The following IRS2 variants were observed in gnomAD, a reference collection of about 807,000 sequenced individuals.
IRS2 encodes insulin receptor substrate 2.
IRS2 carries 28 observed loss-of-function variants against 70.9 expected under a neutral mutation model. The ratio of observed to expected loss-of-function variants is 0.39; its 90% confidence interval spans 0.29 to 0.54. The LOEUF is 0.54. IRS2 is among the 20% of genes least tolerant of loss of function. IRS2 has a pLI of 0.59. For synonymous variants in IRS2, 1,217 were observed against 981.9 expected (o/e 1.24, Z -4.48); for missense variants, 2,081 against 2,024.1 (o/e 1.03, Z -0.54).
intron 1 of IRS2, among the ~76,000 whole-genome samples, chr13:109,780,955 T>C (rs1022406193): frequency 4.6e-5 from 7 of 152,216 alleles, no homozygotes; most frequent in African/African-American, 1.7e-4. Context: ...TCCTCATGGA[T>C]ATTTGATCAG....
Position 109,783,791 on chromosome 13 carries a change from G to A in IRS2, c.2263C>T (p.His755Tyr). The change falls in exon 1 of 2, where the codon CAT (histidine) becomes TAT (tyrosine). Residue 755 changes from histidine (H) to tyrosine (Y), a missense_variant. By Grantham distance (83) the His-to-Tyr change is moderately conservative. Transcript: ENST00000375856. ...TTGGGCAGCAGCTTGCCATCTGCAT[G>A]CTCCATGGACAGCTTGGAACCGCAC... ...MWCGSKLSME[H>Y]ADGKLLPNGD... 1 of 1,597,736 alleles carries A rather than the reference G, an allele frequency of 6.3e-7. No homozygotes were observed. Among genetic ancestry groups the A allele is most frequent in the Non-Finnish European group, 8.5e-7 (1 of 1,172,636 alleles).
chr13:109,761,170 C>T (rs1315833721), intron 1 of IRS2, among the ~76,000 whole-genome samples: 1 of 152,166 alleles, frequency 6.6e-6, no homozygotes, highest in Non-Finnish European at 1.5e-5. Context: ...GGCTTACGGC[C>T]ACCACGTAGG....
chr13:109,785,890 G>T lies in IRS2; in HGVS notation c.164C>A (p.Ala55Glu), dbSNP rs758017473. The part of the protein sequence containing the change: ...KRFFVLRGPG[A>E]GGDEATAGGG... ...GCCCGCCGTCGCCTCGTCGCCGCCC[G>T]CGCCGGGTCCGCGCAGCACGAAGAA... Residue 55 changes from alanine to glutamate, a missense_variant, in exon 1 of 2, where the codon GCG (alanine) becomes GAG (glutamate). Around this residue, in one of 4 missense-constraint regions of IRS2, gnomAD observed 320 missense variants for 352.9 expected, o/e 0.91. Transcript: ENST00000375856. The surrounding 1 kb of genome is among the most constrained non-coding windows in gnomAD (Gnocchi z 9.3). 2.7e-6 allele frequency: 4 copies of T among 1,490,660 alleles called. No homozygotes were observed. In the African/African-American group the frequency reaches 5.8e-5, roughly 21 times the overall value. 92.3% of individuals were successfully genotyped at this position (1,490,660 alleles called of 1,614,324 possible).
rs773474849 is a variant in IRS2, at chr13:109,782,896, G to A, written c.3158C>T (p.Ala1053Val). 1.9e-6 allele frequency: 3 copies of A among 1,555,518 alleles called. No individual in the cohort carries two copies. Among genetic ancestry groups the A allele is most frequent in the Admixed American group, 1.9e-5 (1 of 51,360 alleles). ...CGATGAGGCGGCGCCCGGGCCCTGG[G>A]CGGTGGCAACGGCCGAGGCGGGGGG... ...RLPPASAVAT[A>V]QGPGAASSLS... The change falls in exon 1 of 2, where the codon GCC becomes GTC. Residue 1053 changes from alanine to valine, a missense_variant. Transcript: ENST00000375856.
chr13:109,775,131 T>A (rs1419786973), intron 1 of IRS2, among the ~76,000 whole-genome samples: 3 of 150,626 alleles, frequency 2.0e-5, no homozygotes, highest in Admixed American at 6.6e-5. Context: ...TTTTTTTTTT[T>A]TTTGAGACTG....
chr13:109,770,895 G>A (rs926194737), intron 1 of IRS2, among the ~76,000 whole-genome samples: 9 of 152,180 alleles, frequency 5.9e-5, no homozygotes, highest in African/African-American at 1.2e-4. Flanking sequence ...ACAGCCCAGC[G>A]AACCTGGACA....
chr13:109,755,224 T>TTC lies in IRS2; in HGVS notation c.*1079_*1080insGA, dbSNP rs1008704230. On this transcript the variant is annotated 3_prime_UTR_variant, in exon 2 of 2. Transcript: ENST00000375856. ...CAGTTTCTTTCTTTCCTTTTTTTTT[T>TTC]TTCTTTTTGTTTTTTTTGTTCAGGG... The TTC allele has an allele frequency of 1.5e-4, 20 of 135,892 alleles. No individual in the cohort carries two copies. The highest frequency in any genetic ancestry group is 1.8e-3 in the Middle Eastern group (1 of 558). The allele number at this position is 135,892 out of a possible 1,614,324, so 8.4% of individuals were successfully genotyped here. A position where few individuals can be genotyped will look rare whatever the true frequency, so the allele number is the denominator to read the frequency against.
In IRS2 at chr13:109,785,561, C is replaced by G. The variant is rs2138938598; in HGVS notation, c.493G>C (p.Ala165Pro). 3 of 1,319,428 alleles carry G rather than the reference C, an allele frequency of 2.3e-6. No individual in the cohort carries two copies. The highest frequency in any genetic ancestry group is 2.9e-6 in the Non-Finnish European group (3 of 1,035,492). 81.7% of individuals were successfully genotyped at this position (1,319,428 alleles called of 1,614,324 possible). ...PAAAPAASCS[A>P]SLPGALGGSA... is the part of the protein sequence containing the mutation. ...CCGCCCAGGGCGCCGGGCAGGGAGG[C>G]GCTGCAGGACGCGGCGGGCGCGGCG... is the stretch of plus-strand genomic sequence containing the variant. The change falls in exon 1 of 2, where the codon GCC becomes CCC. Residue 165 changes from alanine (A) to proline (P), a missense_variant. Physicochemically the swap from Ala to Pro is conservative, Grantham distance 27. Around this residue, in one of 4 missense-constraint regions of IRS2, gnomAD observed 320 missense variants for 352.9 expected, o/e 0.91. Transcript: ENST00000375856. The surrounding 1 kb of genome is among the most constrained non-coding windows in gnomAD (Gnocchi z 9.3).
At position 109,753,125 on chromosome 13, in the gene IRS2, C is replaced by T. The variant is rs1181944790; in HGVS notation, c.*3179G>A. The T allele has an allele frequency of 6.6e-6, 1 of 152,102 alleles. No individual in the cohort carries two copies. Among genetic ancestry groups the T allele is most frequent in the Non-Finnish European group, 1.5e-5 (1 of 68,076 alleles). The allele number at this position is 152,102 out of a possible 1,614,324, so 9.4% of individuals were successfully genotyped here. A position where few individuals can be genotyped will look rare whatever the true frequency, so the allele number is the denominator to read the frequency against. The stretch of plus-strand genomic sequence containing the variant: ...TACAGGCATGCGCCACCACGCCTGG[C>T]TAATTTTGTATTTTTAGTAGAGACG... On this transcript the variant is annotated 3_prime_UTR_variant, in exon 2 of 2. Transcript: ENST00000375856.
In IRS2 at chr13:109,783,718, G is replaced by A. The variant is rs1181769875; in HGVS notation, c.2336C>T (p.Thr779Ile). 1 of 1,574,788 alleles carries A rather than the reference G, an allele frequency of 6.4e-7. No homozygotes were observed. ...GGCTGCGGAGAAGAAGTCGGGCGGG[G>A]TGCCCGTGGTGACCGCGTCGCTGGG... ...VSPSDAVTTGTPPDFFSAALH... is the reference protein window; with the variant it reads ...VSPSDAVTTGIPPDFFSAALH... The change falls in exon 1 of 2, where the codon ACC becomes ATC. Residue 779 changes from threonine (T) to isoleucine (I), a missense_variant. Thr to Ile is a moderately conservative substitution (Grantham distance 89). Around this residue, in one of 4 missense-constraint regions of IRS2, gnomAD observed 1,615 missense variants for 1,459.5 expected, o/e 1.11. Transcript: ENST00000375856.
chr13:109,781,067 C>A (rs1374669451), intron 1 of IRS2, among the ~76,000 whole-genome samples: 1 of 152,180 alleles, frequency 6.6e-6, no homozygotes, highest in African/African-American at 2.4e-5. Flanking sequence ...GATTGTAAAT[C>A]CTGGCTGCAC....
chr13:109,785,016 G>A lies in IRS2; in HGVS notation c.1038C>T (p.Ser346=), dbSNP rs1229282380. 2 of 1,457,186 alleles carry A rather than the reference G, an allele frequency of 1.4e-6. No individual in the cohort carries two copies. Among genetic ancestry groups the A allele is most frequent in the African/African-American group, 1.5e-5 (1 of 68,608 alleles). The allele number at this position is 1,457,186 out of a possible 1,614,324, so 90.3% of individuals were successfully genotyped here. A position where few individuals can be genotyped will look rare whatever the true frequency, so the allele number is the denominator to read the frequency against. Residue 346 remains serine (S), a synonymous_variant, in exon 1 of 2, where the codon AGC becomes AGT. Coordinates refer to ENST00000375856, the MANE Select transcript of IRS2 (RefSeq NM_003749.3). The surrounding 1 kb of genome is among the most constrained non-coding windows in gnomAD (Gnocchi z 9.3). ...TGGCCGCCGGCGGGGTGGCGGCCAG[G>A]CTGTCGGTGCGCGAGCGGCGCACCA... ...TGLVRRSRTD[S]LAATPPAAKC...
Position 109,764,548 on chromosome 13 carries a change from T to C in IRS2, c.4013-8240A>G, listed in dbSNP as rs183561396. On this transcript the variant is annotated intron_variant, in intron 1 of 1. Transcript: ENST00000375856. Reference sequence around the variant, plus strand: ...TACTAGCACAACTGGCATTTTGTGGTTGGCTTCCCTTTGCTTTGTGCACCT... The same window carrying C: ...TACTAGCACAACTGGCATTTTGTGGCTGGCTTCCCTTTGCTTTGTGCACCT... Among the ~76,000 whole-genome samples the C allele has an allele frequency of 2.5e-4, 38 of 152,352 alleles. 2 individuals carry two copies. In the East Asian group the frequency reaches 6.9e-3, roughly 28 times the overall value.
At chr13:109,770,751 C>T (rs1308461461) in intron 1 of IRS2, among the ~76,000 whole-genome samples, 1 of 152,218 alleles carries the variant, frequency 6.6e-6, no homozygotes, top group African/African-American at 2.4e-5. Flanking sequence ...AGAGGCCAGG[C>T]TTCACATTTC....
In IRS2 at chr13:109,785,602, C is replaced by A. The variant is rs1190169728; in HGVS notation, c.452G>T (p.Gly151Val). 7.3e-7 allele frequency: 1 copy of A among 1,364,618 alleles called. No homozygotes were observed. Among genetic ancestry groups the A allele is most frequent in the South Asian group, 1.8e-5 (1 of 55,790 alleles). The allele number at this position is 1,364,618 out of a possible 1,614,324, so 84.5% of individuals were successfully genotyped here. The change falls in exon 1 of 2, where the codon GGA (glycine) becomes GTA (valine). Residue 151 changes from glycine to valine, a missense_variant. Gly to Val is a moderately radical substitution (Grantham distance 109). This residue lies in a region of IRS2 where 320 missense variants were observed against 352.9 expected (regional missense o/e 0.91). Coordinates refer to ENST00000375856, the MANE Select transcript of IRS2 (RefSeq NM_003749.3). This position sits in a 1 kb window ranked among gnomAD's most constrained non-coding sequence, Gnocchi z 9.3. ...DLVSEGRAAA[G>V]DAPPAAAPAA... The stretch of plus-strand genomic sequence containing the variant: ...GGGCGCGGCGGCGGGGGGCGCGTCT[C>A]CGGCGGCCGCGCGGCCCTCGCTGAC...
intron 1 of IRS2, among the ~76,000 whole-genome samples, chr13:109,762,644 C>CG (rs1877250901): frequency 6.6e-6 from 1 of 152,176 alleles, no homozygotes; most frequent in Admixed American, 6.5e-5. Flanking sequence ...GCCTGTGAGT[C>CG]GATGAGGGTG....
intron 1 of IRS2, among the ~76,000 whole-genome samples, chr13:109,769,836 T>C (rs1048126070): frequency 7.9e-5 from 12 of 152,246 alleles, no homozygotes; most frequent in African/African-American, 2.7e-4. Context: ...ATTGTCATCT[T>C]TGTAATGAAA....
In IRS2 at chr13:109,782,953, G is replaced by A. The variant is rs1005601976; in HGVS notation, c.3101C>T (p.Pro1034Leu). The A allele has an allele frequency of 5.1e-6, 7 of 1,359,896 alleles. No individual in the cohort carries two copies. In the African/African-American group the frequency reaches 8.0e-5, roughly 16 times the overall value. 84.2% of individuals were successfully genotyped at this position (1,359,896 alleles called of 1,614,324 possible). ...SPSSSLQPPPPPPAPGELYRL... is the reference protein window; with the variant it reads ...SPSSSLQPPPLPPAPGELYRL... Reference sequence around the variant, plus strand: ...GTACAGCTCCCCCGGGGCCGGCGGCGGTGGCGGCGGCTGCAGAGACGACGA... The same window carrying A: ...GTACAGCTCCCCCGGGGCCGGCGGCAGTGGCGGCGGCTGCAGAGACGACGA... The change falls in exon 1 of 2, where the codon CCG becomes CTG. Residue 1034 changes from proline to leucine, a missense_variant. Physicochemically the swap from Pro to Leu is moderately conservative, Grantham distance 98. Around this residue, in one of 4 missense-constraint regions of IRS2, gnomAD observed 1,615 missense variants for 1,459.5 expected, o/e 1.11. Coordinates refer to ENST00000375856, the MANE Select transcript of IRS2 (RefSeq NM_003749.3).
Position 109,785,488 on chromosome 13 carries a change from G to A in IRS2, c.566C>T (p.Pro189Leu), listed in dbSNP as rs1877890676. ...CACCTCACGGTAGGCGGCCGTGGCG[G>A]GAGCCACCAGCCCGTAGCTGTCCTC... Reference protein sequence around the residue: ...GAEDSYGLVAPATAAYREVWQ... With the variant: ...GAEDSYGLVALATAAYREVWQ... Residue 189 changes from proline (P) to leucine (L), a missense_variant, in exon 1 of 2, where the codon CCC (proline) becomes CTC (leucine). This residue lies in a region of IRS2 where 320 missense variants were observed against 352.9 expected (regional missense o/e 0.91). Coordinates refer to ENST00000375856, the MANE Select transcript of IRS2 (RefSeq NM_003749.3). The surrounding 1 kb of genome is among the most constrained non-coding windows in gnomAD (Gnocchi z 9.3). The A allele has an allele frequency of 1.2e-6, 2 of 1,611,380 alleles. No homozygotes were observed. Among genetic ancestry groups the A allele is most frequent in the Non-Finnish European group, 1.7e-6 (2 of 1,179,564 alleles).
Sources: gnomAD v4.1 joint callset for allele counts (sites outside exome capture counted in the v4.1 genomes callset) on GRCh38, gnomAD v4.1.1 for gene constraint, gnomAD v4.1.1 regional missense constraint, Gnocchi (gnomAD v3.1) non-coding constraint, MANE v1.5 for transcripts, NCBI Gene and HGNC (gene_info 2026-07-23, HGNC 2026-07-21) for gene names.